PLEKHA1: variants seen among roughly 807,000 people sequenced by gnomAD.
PLEKHA1 encodes the protein pleckstrin homology domain containing A1, also known as pleckstrin homology domain-containing family A member 1.
A neutral mutation model predicts 52.0 loss-of-function variants in PLEKHA1; 34 were observed. The ratio of observed to expected loss-of-function variants is 0.65; its 90% CI spans 0.50 to 0.87. The LOEUF is 0.87. PLEKHA1 is among the 40% of genes least tolerant of loss of function. The probability of loss-of-function intolerance (pLI) is 0.00; values close to 1 mark genes in which losing one functional copy is unlikely to be tolerated. For missense variants in PLEKHA1, 497 were observed against 504.2 expected (o/e 0.99, Z 0.14); for synonymous variants, 163 against 170.7 (o/e 0.95, Z 0.35).
intron 3 of PLEKHA1, among the ~76,000 whole-genome samples, chr10:122,398,236 G>A (rs2096877857): frequency 6.6e-6 from 1 of 152,032 alleles, no homozygotes; most frequent in African/African-American, 2.4e-5. Context: ...CATCAGAAAG[G>A]GAGAAATCAG....
chr10:122,376,866 T>A (rs1565093140), intron 1 of PLEKHA1, among the ~76,000 whole-genome samples: 1 of 152,192 alleles, frequency 6.6e-6, no homozygotes, highest in Non-Finnish European at 1.5e-5. Context: ...CAAGTATCGT[T>A]TGCTAACATA....
intron 1 of PLEKHA1, among the ~76,000 whole-genome samples, chr10:122,383,194 C>T (rs2096638528): frequency 6.6e-6 from 1 of 152,188 alleles, no homozygotes; most frequent in Admixed American, 6.5e-5. Context: ...TTAGCCCCAG[C>T]AACTACCAAC....
chr10:122,409,656 T>C (rs1027125685), intron 5 of PLEKHA1, among the ~76,000 whole-genome samples: 1 of 152,200 alleles, frequency 6.6e-6, no homozygotes, highest in Non-Finnish European at 1.5e-5. Flanking sequence ...TTGATATATT[T>C]TTAATAGAAA....
intron 5 of PLEKHA1, among the ~76,000 whole-genome samples, chr10:122,411,409 G>A (rs555659454): frequency 6.6e-6 from 1 of 152,320 alleles, no homozygotes; most frequent in East Asian, 1.9e-4. Flanking sequence ...CATGGACCAT[G>A]TTTGCTCAAT....
intron 5 of PLEKHA1, among the ~76,000 whole-genome samples, chr10:122,408,132 A>G (rs2097050342): frequency 1.3e-5 from 2 of 152,234 alleles, no homozygotes; most frequent in Admixed American, 6.5e-5. Flanking sequence ...TAACTCTTCT[A>G]ATAAATATTC....
chr10:122,428,944 A>T (rs571060475), intron 11 of PLEKHA1, among the ~76,000 whole-genome samples: 1 of 152,306 alleles, frequency 6.6e-6, no homozygotes, highest in East Asian at 1.9e-4. Flanking sequence ...TCAACTACTA[A>T]TTATTTCACC....
Position 122,393,413 on chromosome 10 carries a change from G to T in PLEKHA1, c.141+72G>T. ...ATTTAAGTATTTAACATACTATACA[G>T]GCTTTAGATTTGTCTTCTTAAGCAG... On this transcript the variant is annotated intron_variant, in intron 2 of 11. Coordinates refer to ENST00000368990, the MANE Select transcript of PLEKHA1 (RefSeq NM_001001974.4). The surrounding 1 kb of genome is among the most constrained non-coding windows in gnomAD (Gnocchi z 4.5). The T allele has an allele frequency of 7.7e-7, 1 of 1,298,666 alleles. No individual in the cohort carries two copies. 80.4% of individuals were successfully genotyped at this position (1,298,666 alleles called of 1,614,324 possible). A position where few individuals can be genotyped will look rare whatever the true frequency, so the allele number is the denominator to read the frequency against.
chr10:122,394,336 A>C (rs1265147907), intron 2 of PLEKHA1, among the ~76,000 whole-genome samples: 1 of 152,028 alleles, frequency 6.6e-6, no homozygotes, highest in African/African-American at 2.4e-5. Flanking sequence ...TCAGCCTCCC[A>C]AAGTGCTGAG....
chr10:122,415,928 C>G lies in PLEKHA1; in HGVS notation c.538C>G (p.Pro180Ala). The G allele has an allele frequency of 1.9e-6, 3 of 1,613,442 alleles. No homozygotes were observed. Among genetic ancestry groups the G allele is most frequent in the Non-Finnish European group, 2.5e-6 (3 of 1,179,562 alleles). ...NNLKRSQSHL[P>A]YFTPKPPQDS... ...TCTGAAACGGTCACAAAGCCATCTTCCTTACTTTACTCCTAAACCACCTCA... is the reference window on the plus strand; with the variant it reads ...TCTGAAACGGTCACAAAGCCATCTTGCTTACTTTACTCCTAAACCACCTCA... Residue 180 changes from proline to alanine, a missense_variant, in exon 7 of 12, where the codon CCT becomes GCT. By Grantham distance (27) the Pro-to-Ala change is conservative. Coordinates refer to ENST00000368990, the MANE Select transcript of PLEKHA1 (RefSeq NM_001001974.4).
At chr10:122,411,977 CA>C (rs2097112227) in intron 5 of PLEKHA1, 1 of 152,160 alleles carries the variant, frequency 6.6e-6, no homozygotes, top group South Asian at 2.1e-4. Flanking sequence ...TGATGCTGAG[CA>C]GATTTTATTA....
chr10:122,420,180 T>C (rs986251327), intron 8 of PLEKHA1: 70 of 152,206 alleles, frequency 4.6e-4, no homozygotes, highest in African/African-American at 1.6e-3. Context: ...ATATGGACAT[T>C]GGTGGCTCCA....
At chr10:122,410,598 AC>A (rs1377970534) in intron 5 of PLEKHA1, among the ~76,000 whole-genome samples, 13 of 152,316 alleles carry the variant, frequency 8.5e-5, no homozygotes, top group Middle Eastern at 3.4e-3. Context: ...TAAGATGATT[AC>A]AAGTTAGATA....
At chr10:122,438,101 C>CA in the PLEKHA1 span, 1 of 152,008 alleles carries the variant, frequency 6.6e-6, no homozygotes, top group Non-Finnish European at 1.5e-5. Context: ...ACAAAAAATA[C>CA]AAAAATTAGC....
intron 1 of PLEKHA1, chr10:122,387,466 T>TA (rs1196311979): frequency 6.6e-5 from 10 of 152,220 alleles, no homozygotes; most frequent in Non-Finnish European, 1.5e-4. Context: ...TCTATAGCAC[T>TA]AAAAACCAAT....
chr10:122,431,906 C>T lies in PLEKHA1; in HGVS notation c.*1968C>T, dbSNP rs768431476. ...ATAGACACTTTGCAATATTTAAGAA[C>T]CTAATGCTGTTTAATTTTGGTACAG... is the stretch of plus-strand genomic sequence containing the variant. On this transcript the variant is annotated 3_prime_UTR_variant, in exon 12 of 12. Transcript: ENST00000368990. 1.3e-5 allele frequency: 2 copies of T among 151,818 alleles called. No individual in the cohort carries two copies. The highest frequency in any genetic ancestry group is 1.3e-4 in the Admixed American group (2 of 15,226). 9.4% of individuals were successfully genotyped at this position (151,818 alleles called of 1,614,324 possible).
rs755094597 is a variant in PLEKHA1, at chr10:122,393,008, C to A, written c.-20-173C>A. On this transcript the variant is annotated intron_variant, in intron 1 of 11. Coordinates refer to ENST00000368990, the MANE Select transcript of PLEKHA1 (RefSeq NM_001001974.4). This position sits in a 1 kb window ranked among gnomAD's most constrained non-coding sequence, Gnocchi z 4.5. ...AGTTACATTTAGTAACCACTCTTCA[C>A]AAACTGAATTTCAAAAGTGATTTTT... The A allele has an allele frequency of 4.2e-6, 2 of 477,318 alleles. No homozygotes were observed. The highest frequency in any genetic ancestry group is 7.2e-6 in the Non-Finnish European group (2 of 275,960). 29.6% of individuals were successfully genotyped at this position (477,318 alleles called of 1,614,324 possible).
Position 122,374,797 on chromosome 10 carries a change from C to T in PLEKHA1, c.-30C>T, listed in dbSNP as rs969967589. ...CCGCGGCGGCGCGGGTGCTCCGGGCCGAGGCCGCGGTAAAGTTTAGCTTGA... is the reference window on the plus strand; with the variant it reads ...CCGCGGCGGCGCGGGTGCTCCGGGCTGAGGCCGCGGTAAAGTTTAGCTTGA... On this transcript the variant is annotated 5_prime_UTR_variant, in exon 1 of 12. Coordinates refer to ENST00000368990, the MANE Select transcript of PLEKHA1 (RefSeq NM_001001974.4). The T allele has an allele frequency of 6.6e-6, 1 of 151,966 alleles. No homozygotes were observed. Among genetic ancestry groups the T allele is most frequent in the Non-Finnish European group, 1.5e-5 (1 of 67,920 alleles). The allele number at this position is 151,966 out of a possible 1,614,324, so 9.4% of individuals were successfully genotyped here. A position where few individuals can be genotyped will look rare whatever the true frequency, so the allele number is the denominator to read the frequency against.
At chr10:122,429,383 T>C (rs1349844383) in intron 11 of PLEKHA1, among the ~76,000 whole-genome samples, 2 of 152,156 alleles carry the variant, frequency 1.3e-5, no homozygotes, top group African/African-American at 4.8e-5. Flanking sequence ...ACGGAACTGG[T>C]TTCCTAGTGG....
chr10:122,429,375 G>A (rs2097390293), intron 11 of PLEKHA1, among the ~76,000 whole-genome samples: 1 of 152,092 alleles, frequency 6.6e-6, no homozygotes, highest in South Asian at 2.1e-4. Context: ...CTTTGGTGAC[G>A]GAACTGGTTT....
Sources: gnomAD v4.1 joint callset for allele counts (sites outside exome capture counted in the v4.1 genomes callset) on GRCh38, gnomAD v4.1.1 for gene constraint, Gnocchi (gnomAD v3.1) non-coding constraint, MANE v1.5 for transcripts, NCBI Gene and HGNC (gene_info 2026-07-23, HGNC 2026-07-21) for gene names.